SAFB: variants seen among roughly 807,000 people sequenced by gnomAD.
SAFB encodes scaffold attachment factor B1.
In SAFB, 15 loss-of-function variants were observed where a neutral mutation model predicts 101.6. The observed-to-expected ratio is 0.15, with a 90% confidence interval of 0.10 to 0.23. SAFB has a LOEUF of 0.23. Ranked by LOEUF, SAFB falls within the 10% of genes least tolerant of loss-of-function variation. The pLI is 1.00. For missense variants in SAFB, 930 were observed against 1,104.1 expected, an observed-to-expected ratio of 0.84 and a Z score of 2.23; for synonymous variants, 449 against 407.5, an observed-to-expected ratio of 1.10 and a Z score of -1.23.
Position 5,625,224 on chromosome 19 carries a change from AT to A in SAFB, c.190-1176del, listed in dbSNP as rs756155737. Among the ~76,000 whole-genome samples, 139 of 151,846 alleles carry A rather than the reference AT, an allele frequency of 9.2e-4. 2 individuals are homozygous for A. The highest frequency in any genetic ancestry group is 4.6e-4 in the Admixed American group (7 of 15,260). ...CCTGTTGGTGTCCCTTTCTTGGTTT[AT>A]TTTTCCAGGAAGGGCAAAAGAACAA... On this transcript the variant is annotated intron_variant, in intron 1 of 20. Coordinates refer to ENST00000588852, the MANE Select transcript of SAFB (RefSeq NM_001201338.2).
At chr19:5,666,262 A>G (rs1357400039) in intron 17 of SAFB, 1 of 152,236 alleles carries the variant, frequency 6.6e-6, no homozygotes, top group Non-Finnish European at 1.5e-5. Context: ...CTGTGGGTGT[A>G]AATATTAACC....
intron 9 of SAFB, 140 bp from the exon 10 acceptor site, chr19:5,652,973 CAG>C (rs2053972002): frequency 1.3e-6 from 1 of 797,084 alleles, no homozygotes; most frequent in Non-Finnish European, 2.0e-6. Flanking sequence ...AACAGCGAAA[CAG>C]AAGCATTAGT....
At chr19:5,630,861 A>G (rs939857256) in intron 2 of SAFB, among the ~76,000 whole-genome samples, 6 of 152,122 alleles carry the variant, frequency 3.9e-5, no homozygotes, top group African/African-American at 1.4e-4. Flanking sequence ...TTTAGAATGT[A>G]TTTTGCATGT....
intron 8 of SAFB, 73 bp from the exon 9 acceptor site, chr19:5,650,905 T>A (rs1030545547): frequency 2.0e-6 from 2 of 979,728 alleles, no homozygotes; most frequent in Admixed American, 4.4e-5. Context: ...CATGTCTCTT[T>A]TGGAAAGGTT....
At chr19:5,644,587 G>A (rs929595762) in intron 4 of SAFB, among the ~76,000 whole-genome samples, 1 of 152,200 alleles carries the variant, frequency 6.6e-6, no homozygotes, top group African/African-American at 2.4e-5. Context: ...TCTTCTGATC[G>A]TGTGCGTGTC....
chr19:5,652,368 G>A (rs2053958477), intron 9 of SAFB, among the ~76,000 whole-genome samples: 1 of 152,188 alleles, frequency 6.6e-6, no homozygotes, highest in Non-Finnish European at 1.5e-5. Flanking sequence ...GTGCTCAGTG[G>A]GGAAGTGTTG....
rs2053423219 is a variant in SAFB, at chr19:5,628,741, G to A, written c.274+2252G>A. ...AGTGCTGGGAGAACAGCAGAATGAA[G>A]TCACTTCTGTGGCTCATGATACATT... On this transcript the variant is annotated intron_variant, in intron 2 of 20. Coordinates refer to ENST00000588852, the MANE Select transcript of SAFB (RefSeq NM_001201338.2). Among the ~76,000 whole-genome samples the A allele has an allele frequency of 2.0e-5, 3 of 152,184 alleles. No individual in the cohort carries two copies. In the South Asian group the frequency reaches 6.2e-4, roughly 32 times the overall value.
At chr19:5,628,337 A>T (rs1599313280) in intron 2 of SAFB, among the ~76,000 whole-genome samples, 2 of 152,254 alleles carry the variant, frequency 1.3e-5, no homozygotes, top group East Asian at 3.9e-4. Flanking sequence ...AATGCTTGGG[A>T]CCAGAAGGGT....
intron 2 of SAFB, among the ~76,000 whole-genome samples, chr19:5,633,518 G>A (rs1017376118): frequency 2.0e-5 from 3 of 152,142 alleles, no homozygotes; most frequent in Non-Finnish European, 4.4e-5. Context: ...GGTGGCTCAC[G>A]CCTGTAATCC....
chr19:5,636,187 G>C (rs1180485785), intron 2 of SAFB, among the ~76,000 whole-genome samples: 2 of 151,976 alleles, frequency 1.3e-5, no homozygotes, highest in Non-Finnish European at 2.9e-5. Flanking sequence ...GATTCTGTTT[G>C]ATGAAAATCT....
At chr19:5,660,676 C>T (rs1026072380) in intron 14 of SAFB, among the ~76,000 whole-genome samples, 7 of 121,384 alleles carry the variant, frequency 5.8e-5, no homozygotes, top group Admixed American at 1.1e-4. Context: ...CTCAGGAGTT[C>T]GAGAACAGCC....
intron 6 of SAFB, 130 bp downstream of exon 6, chr19:5,648,173 C>A: frequency 1.4e-6 from 1 of 732,402 alleles, no homozygotes; most frequent in Non-Finnish European, 2.2e-6. Context: ...GGTTTACAAT[C>A]CAAAACCTAC....
At chr19:5,653,728 G>C (rs1329931366) in intron 11 of SAFB, among the ~76,000 whole-genome samples, 1 of 151,494 alleles carries the variant, frequency 6.6e-6, no homozygotes, top group East Asian at 1.9e-4. Flanking sequence ...CTCCCAAAGT[G>C]CTCGGATTAC....
rs767849744 is a variant in SAFB, at chr19:5,645,378, A to T, written c.588A>T (p.Ser196=). The T allele has an allele frequency of 7.3e-7, 1 of 1,378,608 alleles. No homozygotes were observed. The allele number at this position is 1,378,608 out of a possible 1,614,324, so 85.4% of individuals were successfully genotyped here. A position where few individuals can be genotyped will look rare whatever the true frequency, so the allele number is the denominator to read the frequency against. ...KETINNLDTS[S]SDFTILQEIE... ...CTATAAACAATTTAGATACTTCATCATCTGACTTCACTATATTACAGGTAA... is the reference window on the plus strand; with the variant it reads ...CTATAAACAATTTAGATACTTCATCTTCTGACTTCACTATATTACAGGTAA... Residue 196 remains serine (S), a synonymous_variant, in exon 5 of 21, where the codon TCA becomes TCT. Coordinates refer to ENST00000588852, the MANE Select transcript of SAFB (RefSeq NM_001201338.2).
rs927456215 is a variant in SAFB, at chr19:5,660,297, C to A, written c.1863-1221C>A. ...AAATGCTGTGTCAGTAGTTGGTATACTGCACTGAGGTGCTTTTTTTTTTTA... is the reference window on the plus strand; with the variant it reads ...AAATGCTGTGTCAGTAGTTGGTATAATGCACTGAGGTGCTTTTTTTTTTTA... On this transcript the variant is annotated intron_variant, in intron 14 of 20. Transcript: ENST00000588852. Among the ~76,000 whole-genome samples, 7 of 143,862 alleles carry A rather than the reference C, an allele frequency of 4.9e-5. No homozygotes were observed. In the Admixed American group the frequency reaches 4.9e-4, roughly 10 times the overall value. 94.4% of individuals were successfully genotyped at this position (143,862 alleles called of 152,430 possible).
chr19:5,655,227 G>A lies in SAFB; in HGVS notation c.1755+771G>A, dbSNP rs551111941. 1.1e-3 allele frequency among the ~76,000 whole-genome samples: 162 copies of A among 152,176 alleles called. 1 individual carries two copies. Among genetic ancestry groups the A allele is most frequent in the African/African-American group, 3.8e-3 (158 of 41,524 alleles). ...TAATCCCAGCAGTTTGGTATGCTGA[G>A]CTGGGAGGATACTTGAGCCCAGGAG... On this transcript the variant is annotated intron_variant, in intron 13 of 20. Transcript: ENST00000588852.
intron 1 of SAFB, among the ~76,000 whole-genome samples, chr19:5,624,531 G>T (rs2053302923): frequency 2.6e-5 from 4 of 151,950 alleles, no homozygotes; most frequent in Admixed American, 1.3e-4. Flanking sequence ...TTTCCACCTG[G>T]CTACTCTGGG....
chr19:5,651,182 A>C (rs2053930652), intron 9 of SAFB, 110 bp downstream of exon 9: 3 of 644,142 alleles, frequency 4.7e-6, no homozygotes, highest in Non-Finnish European at 8.0e-6. Flanking sequence ...CAAGGAGCTT[A>C]CACTTGCTAA....
rs145885827 is a variant in SAFB, at chr19:5,648,002, G to GT, written c.610-8dup. On this transcript the variant is annotated splice_polypyrimidine_tract_variant and intron_variant, in intron 5 of 20. Coordinates refer to ENST00000588852, the MANE Select transcript of SAFB (RefSeq NM_001201338.2). ...ATTCATCTGGCACAGTCTTATTTAC[G>GT]TTTTTTCTTGCAGGAAATTGAAGAG... The GT allele has an allele frequency of 1.8e-3, 2,943 of 1,611,392 alleles. 80 individuals carry two copies. The East Asian group carries it at 0.059, about 32-fold the overall frequency.
Sources: allele counts gnomAD v4.1 joint callset (sites outside exome capture counted in the v4.1 genomes callset), GRCh38; gene constraint gnomAD v4.1.1; transcripts MANE v1.5; gene names NCBI Gene and HGNC (gene_info 2026-07-23, HGNC 2026-07-21).